F8: variants seen among roughly 807,000 people sequenced by gnomAD.
The protein encoded by F8 is coagulation factor VIII.
Under a neutral mutation model 140.6 loss-of-function variants are expected in F8, and 12 were observed. The observed-to-expected ratio is 0.09, with a 90% CI of 0.05 to 0.14. The LOEUF (loss-of-function observed/expected upper bound fraction) is 0.14, where lower values mean the gene tolerates loss of function less well. Among genes scored for constraint, F8 ranks in the 10% least tolerant of loss-of-function variants. The pLI, the probability that F8 is intolerant of heterozygous loss-of-function variation, is 1.00. For synonymous variants in F8, 585 were observed against 614.6 expected (o/e 0.95, Z 0.71); for missense variants, 1,354 against 1,720.7 (o/e 0.79, Z 3.77).
chrX:154,939,156 CGGACAGTGGGTGCA>C (rs1447583629), intron 13 of F8, among the ~76,000 whole-genome samples: 4 of 111,148 alleles, frequency 3.6e-5, no homozygotes, highest in African/African-American at 1.3e-4. Context: ...TGGGGAGTGC[CGGACAGTGGGTGCA>C]GGACAGTGGG....
At chrX:154,864,340 G>A (rs1326421407) in intron 22 of F8, among the ~76,000 whole-genome samples, 1 of 112,433 alleles carries the variant, frequency 8.9e-6, no homozygotes, top group Non-Finnish European at 1.9e-5. Flanking sequence ...CCCATTGTCT[G>A]AGTACCCAAC....
chrX:155,004,917 T>C (rs1603437004), intron 1 of F8, among the ~76,000 whole-genome samples: 2 of 111,563 alleles, frequency 1.8e-5, no homozygotes, highest in East Asian at 5.6e-4. Flanking sequence ...GTATATACTC[T>C]AGATCAATGG....
At chrX:154,876,939 G>A (rs2072821022) in intron 22 of F8, among the ~76,000 whole-genome samples, 1 of 111,848 alleles carries the variant, frequency 8.9e-6, no homozygotes, top group Non-Finnish European at 1.9e-5. Flanking sequence ...GATAGGTCTC[G>A]TTATGTTTCC....
At chrX:154,931,730 G>C in intron 13 of F8, 54 bp from the exon 14 acceptor site, 1 of 1,050,241 alleles carries the variant, frequency 9.5e-7, no homozygotes, top group South Asian at 1.9e-5. Flanking sequence ...ATTCTAAAAC[G>C]TTCTGTTAGA....
At position 154,929,137 on chromosome X, in the gene F8, C is replaced by T. The variant is rs2073177148; in HGVS notation, c.4653G>A (p.Ala1551=). 6 of 1,211,490 alleles carry T rather than the reference C, an allele frequency of 5.0e-6. No homozygotes were observed. The highest frequency in any genetic ancestry group is 3.0e-5 in the East Asian group (1 of 33,841). Residue 1551 remains alanine (A), a synonymous_variant, in exon 14 of 26, where the codon GCG becomes GCA. Coordinates refer to ENST00000360256, the MANE Select transcript of F8 (RefSeq NM_000132.4). ...GTCTGTTTGCTTCATTCCACTTAAT[C>T]GCTCCCTCTGTTCCCTGAAGAAGGC... ...EGSLLQGTEG[A]IKWNEANRPG... is the part of the protein sequence containing the mutation.
intron 14 of F8, among the ~76,000 whole-genome samples, chrX:154,911,283 G>T (rs1419232514): frequency 9.3e-6 from 1 of 107,391 alleles, no homozygotes; most frequent in Non-Finnish European, 1.9e-5. Flanking sequence ...AGTGTTTCTC[G>T]TCACTGTGGG....
Position 154,869,882 on chromosome X carries a change from G to C in F8, c.6430-6655C>G, listed in dbSNP as rs782134705. On this transcript the variant is annotated intron_variant, in intron 22 of 25. Coordinates refer to ENST00000360256, the MANE Select transcript of F8 (RefSeq NM_000132.4). Reference sequence around the variant, plus strand: ...TGGGGATATCACCACTGATCCCACAGAAATACAAACTACCATCAGAGAATA... The same window carrying C: ...TGGGGATATCACCACTGATCCCACACAAATACAAACTACCATCAGAGAATA... Among the ~76,000 whole-genome samples, 16 of 112,034 alleles carry C rather than the reference G, an allele frequency of 1.4e-4. No individual in the cohort carries two copies. In the South Asian group the frequency reaches 5.9e-3, roughly 42 times the overall value.
chrX:154,862,010 T>C (rs1227027131), intron 23 of F8, 144 bp from the exon 24 acceptor site: 1 of 745,154 alleles, frequency 1.3e-6, no homozygotes, highest in Non-Finnish European at 2.0e-6. Context: ...CTGTTATTGG[T>C]TTTTTGTTTT....
chrX:154,947,207 A>G (rs1603434440), intron 13 of F8, among the ~76,000 whole-genome samples: 1 of 94,288 alleles, frequency 1.1e-5, no homozygotes, highest in East Asian at 3.6e-4. Context: ...CCTGGGCTAC[A>G]GAGCGAGACT....
At chrX:154,978,479 C>T (rs1418860540) in intron 6 of F8, among the ~76,000 whole-genome samples, 1 of 111,884 alleles carries the variant, frequency 8.9e-6, no homozygotes, top group African/African-American at 3.3e-5. Context: ...TATTAACAAT[C>T]CAATTACACT....
chrX:154,982,665 C>T (rs1184256306), intron 6 of F8, among the ~76,000 whole-genome samples: 12 of 110,288 alleles, frequency 1.1e-4, no homozygotes, highest in Non-Finnish European at 1.7e-4. Context: ...TATTAAATCG[C>T]AACTGCATAA....
At chrX:155,004,974 A>G (rs782322119) in intron 1 of F8, among the ~76,000 whole-genome samples, 1 of 111,712 alleles carries the variant, frequency 9.0e-6, no homozygotes, top group East Asian at 2.8e-4. Context: ...ATGGTTTTGG[A>G]AAACAAGGAG....
intron 2 of F8, 99 bp downstream of exon 2, chrX:154,999,380 G>A (rs782311539): frequency 1.3e-5 from 12 of 915,751 alleles, no homozygotes; most frequent in Non-Finnish European, 1.9e-5. Context: ...ATTCTCTTTG[G>A]CAGCTGCACT....
chrX:154,992,664 G>T (rs1557284764), intron 4 of F8, among the ~76,000 whole-genome samples: 1 of 112,098 alleles, frequency 8.9e-6, no homozygotes, highest in East Asian at 2.8e-4. Flanking sequence ...AAAGCCCACA[G>T]ATTTGAAGAG....
Position 154,931,715 on chromosome X carries a change from C to A in F8, c.2114-39G>T, listed in dbSNP as rs1407250767. On this transcript the variant is annotated intron_variant, in intron 13 of 25. Coordinates refer to ENST00000360256, the MANE Select transcript of F8 (RefSeq NM_000132.4). Reference sequence around the variant, plus strand: ...AGAATAAGACTCTGGTTACTCATAACACAGATTCTAAAACGTTCTGTTAGA... The same window carrying A: ...AGAATAAGACTCTGGTTACTCATAAAACAGATTCTAAAACGTTCTGTTAGA... 4.5e-6 allele frequency: 5 copies of A among 1,122,465 alleles called. No homozygotes were observed. In the Admixed American group the frequency reaches 1.1e-4, roughly 25 times the overall value. 92.5% of individuals were successfully genotyped at this position (1,122,465 alleles called of 1,213,427 possible).
chrX:154,901,984 G>T, intron 19 of F8, 67 bp downstream of exon 19: 1 of 709,628 alleles, frequency 1.4e-6, no homozygotes, highest in Non-Finnish European at 2.3e-6. Context: ...AACCATTCCA[G>T]AAAGGAAGAA....
chrX:154,838,418 TG>T (rs1185963820), intron 25 of F8, among the ~76,000 whole-genome samples: 1 of 112,007 alleles, frequency 8.9e-6, no homozygotes, highest in Admixed American at 9.4e-5. Flanking sequence ...CTGTGGGTTT[TG>T]TGTGGATTCC....
intron 1 of F8, among the ~76,000 whole-genome samples, chrX:155,008,477 T>C (rs1224469994): frequency 1.8e-5 from 2 of 111,001 alleles, no homozygotes; most frequent in African/African-American, 6.6e-5. Context: ...TGGCAGGGGC[T>C]GGGGGTGCCA....
At chrX:154,917,220 T>C (rs1177549507) in intron 14 of F8, among the ~76,000 whole-genome samples, 3 of 112,125 alleles carry the variant, frequency 2.7e-5, no homozygotes, top group Non-Finnish European at 5.6e-5. Context: ...GAATGTTCCA[T>C]GTGCTGATAA....
Sources: allele counts gnomAD v4.1 joint callset (sites outside exome capture counted in the v4.1 genomes callset), GRCh38; gene constraint gnomAD v4.1.1; transcripts MANE v1.5; gene names NCBI Gene and HGNC (gene_info 2026-07-23, HGNC 2026-07-21).